The following PSD3 variants were observed in gnomAD, a reference collection of about 807,000 sequenced individuals.
PSD3 encodes the protein PH and SEC7 domain-containing protein 3.
Under a neutral mutation model 105.5 loss-of-function variants are expected in PSD3, and 49 were observed. The observed-to-expected ratio is 0.46, with a 90% CI of 0.37 to 0.59. The LOEUF (loss-of-function observed/expected upper bound fraction) is 0.59, where lower values mean the gene tolerates loss of function less well. PSD3 is among the 20% of genes least tolerant of loss of function. The pLI, the probability that PSD3 is intolerant of heterozygous loss-of-function variation, is 0.00. For missense variants in PSD3, 1,561 were observed against 1,263.8 expected, an observed-to-expected ratio of 1.24 and a Z score of -3.57; for synonymous variants, 557 against 457.8, an observed-to-expected ratio of 1.22 and a Z score of -2.77.
intron 9 of PSD3, among the ~76,000 whole-genome samples, chr8:18,671,839 G>A (rs1799802223): frequency 6.6e-6 from 1 of 152,102 alleles, no homozygotes; most frequent in Non-Finnish European, 1.5e-5. Context: ...CACCGTGTTA[G>A]CCAGAATGGT....
intron 9 of PSD3, among the ~76,000 whole-genome samples, chr8:18,719,624 G>A (rs1342691665): frequency 6.6e-6 from 1 of 152,010 alleles, no homozygotes; most frequent in East Asian, 1.9e-4. Flanking sequence ...CATCCTAATT[G>A]CACAACTATT....
At chr8:18,975,563 A>T (rs1331506396) in intron 1 of PSD3, among the ~76,000 whole-genome samples, 1 of 152,182 alleles carries the variant, frequency 6.6e-6, no homozygotes, top group Non-Finnish European at 1.5e-5. Flanking sequence ...GAAAGAGTAA[A>T]AGAGATAACA....
chr8:18,574,180 C>A (rs1387140277), intron 13 of PSD3, among the ~76,000 whole-genome samples: 4 of 152,092 alleles, frequency 2.6e-5, no homozygotes, highest in Non-Finnish European at 5.9e-5. Flanking sequence ...CAGCCAAAGT[C>A]ATTTCCTTCA....
intron 1 of PSD3, among the ~76,000 whole-genome samples, chr8:19,074,810 C>T (rs1314560600): frequency 1.1e-4 from 16 of 150,976 alleles, no homozygotes; most frequent in Non-Finnish European, 1.8e-4. Flanking sequence ...TTAGTGGAGA[C>T]GGGGTTTCAC....
At chr8:18,688,820 C>T (rs1179833746) in intron 9 of PSD3, among the ~76,000 whole-genome samples, 4 of 152,184 alleles carry the variant, frequency 2.6e-5, no homozygotes, top group African/African-American at 9.6e-5. Flanking sequence ...ATGAGCCAGC[C>T]TGTACAGAGA....
At chr8:18,591,538 A>C (rs1373107727) in intron 12 of PSD3, among the ~76,000 whole-genome samples, 2 of 152,122 alleles carry the variant, frequency 1.3e-5, no homozygotes, top group Non-Finnish European at 2.9e-5. Context: ...CCAAGGGACT[A>C]ATTTCTTTCT....
Position 19,044,684 on chromosome 8 carries a change from C to A in PSD3, c.324+39522G>T, listed in dbSNP as rs563873653. Among the ~76,000 whole-genome samples the A allele has an allele frequency of 4.6e-5, 7 of 152,172 alleles. No homozygotes were observed. In the South Asian group the frequency reaches 1.5e-3, roughly 32 times the overall value. ...GCTGTCTAATGAGAACAACGACATA[C>A]AAATATAATTAAAACACAAATGTAC... is the stretch of plus-strand genomic sequence containing the variant. On this transcript the variant is annotated intron_variant, in intron 1 of 1. Transcript: ENST00000521475.
intron 9 of PSD3, among the ~76,000 whole-genome samples, chr8:18,668,125 G>A (rs1449572600): frequency 6.6e-6 from 1 of 152,242 alleles, no homozygotes. Flanking sequence ...CCAGAAACGG[G>A]CTCCCACAGT....
chr8:18,765,397 G>T, intron 9 of PSD3, 52 bp downstream of exon 9: 1 of 1,467,862 alleles, frequency 6.8e-7, no homozygotes, highest in Non-Finnish European at 9.6e-7. Context: ...TAAGCTGTAA[G>T]CAGCAAACAG....
At chr8:19,078,948 G>A (rs1829552492) in intron 1 of PSD3, among the ~76,000 whole-genome samples, 2 of 151,658 alleles carry the variant, frequency 1.3e-5, no homozygotes, top group Non-Finnish European at 2.9e-5. Context: ...GTTGCATTGA[G>A]CCCCTGTGTC....
chr8:18,950,580 C>G (rs1457200082), intron 1 of PSD3, among the ~76,000 whole-genome samples: 1 of 152,148 alleles, frequency 6.6e-6, no homozygotes, highest in Non-Finnish European at 1.5e-5. Flanking sequence ...CTTTCTGTTT[C>G]TATCAGTTCA....
chr8:18,747,396 G>A (rs1805116360), intron 9 of PSD3, among the ~76,000 whole-genome samples: 1 of 152,222 alleles, frequency 6.6e-6, no homozygotes. Flanking sequence ...CTACAGGAAA[G>A]AAACCAGAAG....
rs869239437 is a variant in PSD3, at chr8:18,562,927, AAAAG to A, written c.2785-6579_2785-6576del. 3.7e-3 allele frequency among the ~76,000 whole-genome samples: 9 copies of A among 2,434 alleles called. No individual in the cohort carries two copies. In the East Asian group the frequency reaches 0.08, roughly 22 times the overall value. 1.6% of individuals were successfully genotyped at this position (2,434 alleles called of 152,430 possible). ...AAAAAGAAAAAGAAAAAGAAAAAGA[AAAAG>A]AAAAAACAAAAACAAAACAAAACCA... On this transcript the variant is annotated intron_variant, in intron 14 of 15. Coordinates refer to ENST00000327040, the MANE Select transcript of PSD3 (RefSeq NM_015310.4).
At chr8:18,770,256 C>T (rs1295559685) in intron 8 of PSD3, among the ~76,000 whole-genome samples, 2 of 152,062 alleles carry the variant, frequency 1.3e-5, no homozygotes, top group Non-Finnish European at 2.9e-5. Context: ...GCTAATTATC[C>T]ATTTGCATGT....
chr8:18,600,764 A>G (rs1433912951), intron 11 of PSD3, among the ~76,000 whole-genome samples: 1 of 152,204 alleles, frequency 6.6e-6, no homozygotes, highest in Non-Finnish European at 1.5e-5. Flanking sequence ...CTGACAACAG[A>G]CTGGGTAAGC....
chr8:18,886,637 A>G (rs1818467739), intron 2 of PSD3, among the ~76,000 whole-genome samples: 1 of 152,242 alleles, frequency 6.6e-6, no homozygotes, highest in Non-Finnish European at 1.5e-5. Flanking sequence ...GCAGTTACCC[A>G]TTGATCATAG....
chr8:18,972,376 TAACA>T (rs750091385), intron 1 of PSD3, among the ~76,000 whole-genome samples: 5 of 152,188 alleles, frequency 3.3e-5, no homozygotes, highest in African/African-American at 9.6e-5. Context: ...GGTGCAGGAA[TAACA>T]AACAGACAGA....
intron 11 of PSD3, among the ~76,000 whole-genome samples, chr8:18,615,904 G>A (rs893754478): frequency 2.0e-5 from 3 of 152,060 alleles, no homozygotes; most frequent in African/African-American, 4.8e-5. Flanking sequence ...TTGTAAAACA[G>A]CCCAAGGCCC....
chr8:18,963,545 C>A (rs532518863), intron 1 of PSD3, among the ~76,000 whole-genome samples: 2 of 152,002 alleles, frequency 1.3e-5, no homozygotes, highest in East Asian at 1.9e-4. Flanking sequence ...TCTCTCAAAC[C>A]GATTCAGAGG....
Sources: allele counts gnomAD v4.1 joint callset (sites outside exome capture counted in the v4.1 genomes callset), GRCh38; gene constraint gnomAD v4.1.1; transcripts MANE v1.5; gene names NCBI Gene and HGNC (gene_info 2026-07-23, HGNC 2026-07-21).